KANK1: variants seen among roughly 807,000 people sequenced by gnomAD.
KANK1 encodes KN motif and ankyrin repeat domains 1, also known as KN motif and ankyrin repeat domain-containing protein 1.
In KANK1, 109 loss-of-function variants were observed where a neutral mutation model predicts 106.2. That is an observed-to-expected ratio of 1.03 (90% CI 0.88 to 1.20). KANK1 has a LOEUF of 1.20. KANK1 is among the 50% of genes most tolerant of loss of function. The pLI is 0.00. For synonymous variants in KANK1, 873 were observed against 652.2 expected, an observed-to-expected ratio of 1.34 and a Z score of -5.16; for missense variants, 2,399 against 1,710.7, an observed-to-expected ratio of 1.40 and a Z score of -7.10.
At chr9:679,769 C>T (rs1437958487) in intron 2 of KANK1, among the ~76,000 whole-genome samples, 1 of 152,184 alleles carries the variant, frequency 6.6e-6, no homozygotes, top group Non-Finnish European at 1.5e-5. Flanking sequence ...GCAAGAATTA[C>T]TGGTGATAAT....
chr9:613,421 A>G (rs1044668046), intron 1 of KANK1, among the ~76,000 whole-genome samples: 12 of 151,836 alleles, frequency 7.9e-5, no homozygotes, highest in African/African-American at 2.7e-4. Context: ...ACAGCTTTGA[A>G]TGCAGCCCAA....
chr9:559,403 A>G (rs5002740), intron 1 of KANK1, among the ~76,000 whole-genome samples: 7,431 of 150,324 alleles, frequency 0.049, 431 homozygotes, highest in East Asian at 0.29. Flanking sequence ...GGAGAGGTTA[A>G]AAAAAAAAAG....
In KANK1 at chr9:578,137, C is replaced by G. The variant is rs139162139; in HGVS notation, c.-84+73383C>G. 8.0e-4 allele frequency among the ~76,000 whole-genome samples: 122 copies of G among 152,290 alleles called. 1 individual carries two copies. The highest frequency in any genetic ancestry group is 4.1e-4 in the African/African-American group (17 of 41,564). On this transcript the variant is annotated intron_variant, in intron 1 of 11. Transcript: ENST00000382297. ...GGGGCTTATGGTTTAAAGGGCAGAA[C>G]TGAGCCAAATGAGGACTCCTCAGAA...
chr9:728,169 G>A (rs530000303), intron 3 of KANK1, among the ~76,000 whole-genome samples: 6 of 152,174 alleles, frequency 3.9e-5, no homozygotes, highest in Admixed American at 6.5e-5. Flanking sequence ...ATATTTCTTC[G>A]ATGTATTTTG....
intron 3 of KANK1, chr9:488,901 G>C (rs2058336066): frequency 7.2e-6 from 1 of 138,142 alleles, no homozygotes; most frequent in Non-Finnish European, 1.5e-5. Context: ...ATGGTCAGTG[G>C]AGAGATAGTT....
intron 1 of KANK1, among the ~76,000 whole-genome samples, chr9:624,296 A>G (rs868203457): frequency 1.3e-5 from 2 of 152,150 alleles, no homozygotes; most frequent in African/African-American, 2.4e-5. Context: ...TGTTCTGGAG[A>G]TTAGGGAGCG....
chr9:604,843 T>C (rs1828688345), intron 1 of KANK1, among the ~76,000 whole-genome samples: 1 of 151,394 alleles, frequency 6.6e-6, no homozygotes, highest in South Asian at 2.1e-4. Context: ...ATAATGATAA[T>C]AGTAAGTTTC....
chr9:703,794 C>G (rs1589044441), intron 2 of KANK1, among the ~76,000 whole-genome samples: 1 of 152,026 alleles, frequency 6.6e-6, no homozygotes, highest in African/African-American at 2.4e-5. Context: ...ACACTGCAAC[C>G]TCCACCTCTC....
intron 1 of KANK1, among the ~76,000 whole-genome samples, chr9:639,986 C>T (rs549646311): frequency 6.6e-6 from 1 of 152,278 alleles, no homozygotes; most frequent in African/African-American, 2.4e-5. Context: ...TCCTTAATGC[C>T]ATCCCGTTGA....
chr9:527,675 T>A (rs985546850), intron 1 of KANK1, among the ~76,000 whole-genome samples: 2 of 151,442 alleles, frequency 1.3e-5, no homozygotes, highest in East Asian at 3.8e-4. Flanking sequence ...CTCCTTGAGA[T>A]TTGGCATATC....
intron 1 of KANK1, among the ~76,000 whole-genome samples, chr9:629,099 A>T (rs1457729899): frequency 6.6e-6 from 1 of 150,518 alleles, no homozygotes; most frequent in African/African-American, 2.5e-5. Context: ...AAAAAATCCC[A>T]TCTTGCATGC....
intron 1 of KANK1, among the ~76,000 whole-genome samples, chr9:550,391 T>C (rs527272451): frequency 3.3e-5 from 5 of 152,312 alleles, no homozygotes; most frequent in Non-Finnish European, 7.4e-5. Context: ...TGAAGCCTGA[T>C]TGCAGATCTC....
exon 3 of KANK1, chr9:473,218 C>T (rs181311985): frequency 1.9e-4 from 29 of 152,318 alleles, no homozygotes; most frequent in African/African-American, 7.0e-4. Context: ...GTTCCAAGGA[C>T]AAGGGATTCG....
At chr9:690,145 A>C (rs1415158762) in intron 2 of KANK1, among the ~76,000 whole-genome samples, 4 of 148,912 alleles carry the variant, frequency 2.7e-5, no homozygotes, top group East Asian at 2.0e-4. Context: ...AAAAAAAAAA[A>C]AAAAAAAAAA....
At chr9:621,229 G>C (rs1833075472) in intron 1 of KANK1, among the ~76,000 whole-genome samples, 1 of 152,100 alleles carries the variant, frequency 6.6e-6, no homozygotes. Flanking sequence ...ATACATATTG[G>C]TTAATAATTG....
chr9:729,229 G>C (rs184233918), intron 3 of KANK1, among the ~76,000 whole-genome samples: 1 of 152,304 alleles, frequency 6.6e-6, no homozygotes, highest in Admixed American at 6.5e-5. Context: ...AGAACTGTTT[G>C]ATGCCCTCAA....
chr9:494,358 G>C (rs2058426163), intron 3 of KANK1, among the ~76,000 whole-genome samples: 1 of 151,970 alleles, frequency 6.6e-6, no homozygotes, highest in South Asian at 2.1e-4. Flanking sequence ...TTTCCTCTTA[G>C]AATTATTTCA....
intron 1 of KANK1, among the ~76,000 whole-genome samples, chr9:529,587 C>T (rs1477673396): frequency 6.6e-6 from 1 of 152,148 alleles, no homozygotes; most frequent in East Asian, 1.9e-4. Flanking sequence ...TATTGTTATG[C>T]ATCTTTTTTT....
At chr9:570,967 A>G (rs1237207992) in intron 1 of KANK1, among the ~76,000 whole-genome samples, 1 of 152,194 alleles carries the variant, frequency 6.6e-6, no homozygotes, top group East Asian at 1.9e-4. Flanking sequence ...ACTGTATATT[A>G]TTAGAGGTGA....
Sources: allele counts gnomAD v4.1 joint callset (sites outside exome capture counted in the v4.1 genomes callset), GRCh38; gene constraint gnomAD v4.1.1; transcripts MANE v1.5; gene names NCBI Gene and HGNC (gene_info 2026-07-23, HGNC 2026-07-21).